ZMAT1: variants seen among roughly 807,000 people sequenced by gnomAD.
The protein encoded by ZMAT1 is zinc finger matrin-type protein 1.
ZMAT1 carries 11 observed loss-of-function variants against 18.5 expected under a neutral mutation model. The ratio of observed to expected loss-of-function variants is 0.59; its 90% CI spans 0.37 to 0.98. The LOEUF is 0.98. Among genes scored for constraint, ZMAT1 ranks in the 50% least tolerant of loss-of-function variants. ZMAT1 has a pLI of 0.01. For missense variants in ZMAT1, 525 were observed against 496.2 expected (o/e 1.06, Z -0.55); for synonymous variants, 211 against 176.4 (o/e 1.20, Z -1.55).
intron 1 of ZMAT1, among the ~76,000 whole-genome samples, chrX:101,923,269 T>C (rs965341509): frequency 1.8e-5 from 2 of 112,125 alleles, no homozygotes; most frequent in East Asian, 2.8e-4. Context: ...TAAAAAGCAT[T>C]AGGATGAGAG....
intron 5 of ZMAT1, among the ~76,000 whole-genome samples, chrX:101,886,034 C>T (rs1156673079): frequency 8.9e-6 from 1 of 111,749 alleles, no homozygotes; most frequent in Non-Finnish European, 1.9e-5. Context: ...GCTACCTGAA[C>T]TAACCAATCT....
chrX:101,930,113 A>C (rs1930386553), intron 1 of ZMAT1, among the ~76,000 whole-genome samples: 1 of 112,089 alleles, frequency 8.9e-6, no homozygotes, highest in Non-Finnish European at 1.9e-5. Context: ...GCATATATTA[A>C]AAGATACTGC....
At chrX:101,915,721 T>C (rs906048819) in intron 1 of ZMAT1, 3 of 112,027 alleles carry the variant, frequency 2.7e-5, no homozygotes, top group African/African-American at 9.7e-5. Flanking sequence ...ATAATGGTGA[T>C]TACTAAAAAG....
Position 101,931,611 on chromosome X carries a change from G to GT in ZMAT1, c.292+105dup, listed in dbSNP as rs1303279693. The GT allele has an allele frequency of 1.5e-5, 8 of 522,296 alleles. No homozygotes were observed. The East Asian group carries it at 2.7e-3, about 176-fold the overall frequency. The allele number at this position is 522,296 out of a possible 1,213,427, so 43.0% of individuals were successfully genotyped here. On this transcript the variant is annotated intron_variant, in intron 1 of 5. Coordinates refer to ENST00000651725, the MANE Select transcript of ZMAT1 (RefSeq NM_001394560.1). ...CTTGGCCTTTACTGCGCCACGGCAGGTGGGGGTGGGGCAGTGGCGAACCGC... is the reference window on the plus strand; with the variant it reads ...CTTGGCCTTTACTGCGCCACGGCAGGTTGGGGGTGGGGCAGTGGCGAACCGC...
intron 1 of ZMAT1, among the ~76,000 whole-genome samples, chrX:101,926,330 T>C (rs769954792): frequency 8.9e-6 from 1 of 112,431 alleles, no homozygotes; most frequent in South Asian, 3.6e-4. Flanking sequence ...ACTTTTTAGC[T>C]ACTTTTGTTG....
At chrX:101,918,797 C>T (rs776545036) in intron 1 of ZMAT1, among the ~76,000 whole-genome samples, 32 of 111,023 alleles carry the variant, frequency 2.9e-4, no homozygotes, top group Non-Finnish European at 5.3e-4. Flanking sequence ...CTAGATCAAC[C>T]CTTAATTCCA....
chrX:101,895,324 C>T (rs1927722812), intron 4 of ZMAT1, among the ~76,000 whole-genome samples: 1 of 110,584 alleles, frequency 9.0e-6, no homozygotes, highest in South Asian at 3.8e-4. Flanking sequence ...ACCTAAGGAT[C>T]CTTATTTACC....
intron 4 of ZMAT1, among the ~76,000 whole-genome samples, chrX:101,891,403 T>C (rs1441313649): frequency 2.7e-5 from 3 of 111,288 alleles, no homozygotes; most frequent in Admixed American, 1.9e-4. Flanking sequence ...TAGTGTAAGT[T>C]TGAACACAGG....
chrX:101,914,166 C>T (rs1044714410), intron 1 of ZMAT1, among the ~76,000 whole-genome samples: 23 of 110,110 alleles, frequency 2.1e-4, no homozygotes, highest in African/African-American at 7.6e-4. Flanking sequence ...ACACAACATG[C>T]CAAAACCTAT....
rs766890334 is a variant in ZMAT1, at chrX:101,882,313, A to G, written c.*1197T>C. The stretch of plus-strand genomic sequence containing the variant: ...TGTAGAAATTAAAACACTTTAATAT[A>G]AACATTTCCAGAATATAGACTGACC... On this transcript the variant is annotated 3_prime_UTR_variant, in exon 6 of 6. Coordinates refer to ENST00000651725, the MANE Select transcript of ZMAT1 (RefSeq NM_001394560.1). 1.8e-5 allele frequency: 2 copies of G among 111,895 alleles called. No homozygotes were observed. Among genetic ancestry groups the G allele is most frequent in the South Asian group, 7.4e-4 (2 of 2,692 alleles). 9.2% of individuals were successfully genotyped at this position (111,895 alleles called of 1,213,427 possible). A position where few individuals can be genotyped will look rare whatever the true frequency, so the allele number is the denominator to read the frequency against.
chrX:101,898,874 C>G (rs1056153367), intron 2 of ZMAT1, among the ~76,000 whole-genome samples: 9 of 111,396 alleles, frequency 8.1e-5, no homozygotes, highest in Non-Finnish European at 1.3e-4. Context: ...CATGTGAAAC[C>G]CTGTCTCTAC....
intron 1 of ZMAT1, among the ~76,000 whole-genome samples, chrX:101,909,323 G>A (rs1928808981): frequency 9.0e-6 from 1 of 111,119 alleles, no homozygotes; most frequent in East Asian, 2.8e-4. Flanking sequence ...CTGGCTTCAG[G>A]TGGGGCTCAG....
At chrX:101,902,077 T>C (rs1339561570) in intron 2 of ZMAT1, among the ~76,000 whole-genome samples, 2 of 112,381 alleles carry the variant, frequency 1.8e-5, no homozygotes, top group African/African-American at 6.4e-5. Flanking sequence ...GTATAAAATT[T>C]TGAAGCAGTT....
intron 1 of ZMAT1, among the ~76,000 whole-genome samples, chrX:101,910,000 C>T (rs1231062463): frequency 1.8e-5 from 2 of 112,408 alleles, no homozygotes; most frequent in Non-Finnish European, 3.8e-5. Flanking sequence ...TCAGGTGTGA[C>T]CCAGCATAGT....
intron 4 of ZMAT1, chrX:101,892,824 CAT>C (rs1030331225): frequency 1.9e-6 from 1 of 515,425 alleles, no homozygotes; most frequent in Non-Finnish European, 2.4e-6. Context: ...ATGGGAGAAA[CAT>C]ATATAAACAA....
Position 101,882,892 on chromosome X carries a change from T to C in ZMAT1, c.*618A>G, listed in dbSNP as rs1204049139. On this transcript the variant is annotated 3_prime_UTR_variant, in exon 6 of 6. Transcript: ENST00000651725. ...AAACCAAACTTTTTTTCCTTCAACT[T>C]TGAAGGAACAAAACTAAAAAGTTGA... is the stretch of plus-strand genomic sequence containing the variant. 9.0e-6 allele frequency: 1 copy of C among 110,553 alleles called. No individual in the cohort carries two copies. Among genetic ancestry groups the C allele is most frequent in the South Asian group, 3.9e-4 (1 of 2,546 alleles). 9.1% of individuals were successfully genotyped at this position (110,553 alleles called of 1,213,427 possible).
chrX:101,891,727 G>A (rs188901229), intron 4 of ZMAT1, among the ~76,000 whole-genome samples: 83 of 111,216 alleles, frequency 7.5e-4, no homozygotes, highest in Non-Finnish European at 1.2e-3. Flanking sequence ...TGATGTCAAA[G>A]GAGCTAAATA....
intron 2 of ZMAT1, among the ~76,000 whole-genome samples, chrX:101,898,978 G>A (rs1364861235): frequency 9.0e-6 from 1 of 110,838 alleles, no homozygotes; most frequent in Admixed American, 9.6e-5. Context: ...AACCCGGGAG[G>A]TGGAGGTTGC....
In ZMAT1 at chrX:101,883,701, T is replaced by G. The variant is rs185020773; in HGVS notation, c.1897A>C (p.Ile633Leu). The G allele has an allele frequency of 8.3e-7, 1 of 1,205,726 alleles. No individual in the cohort carries two copies. Among genetic ancestry groups the G allele is most frequent in the Admixed American group, 2.2e-5 (1 of 44,885 alleles). Residue 633 changes from isoleucine to leucine, a missense_variant, in exon 6 of 6, where the codon ATC becomes CTC. Transcript: ENST00000651725. ...TCCTCCTCTCTTTTCCTTTGTCTGA[T>G]GCTCTTGTCTTTGTCTAAATCTGTA... ...EDTDLDKDKS[I>L]RQRKREEDRV...
Sources: gnomAD v4.1 joint callset for allele counts (sites outside exome capture counted in the v4.1 genomes callset) on GRCh38, gnomAD v4.1.1 for gene constraint, MANE v1.5 for transcripts, NCBI Gene and HGNC (gene_info 2026-07-23, HGNC 2026-07-21) for gene names.